Variants in SLC35F1 observed in about 807,000 individuals in gnomAD.
SLC35F1 encodes chromosome 6 open reading frame 169.
A neutral mutation model predicts 48.7 loss-of-function variants in SLC35F1; 14 were observed. The ratio of observed to expected loss-of-function variants is 0.29; its 90% CI spans 0.19 to 0.45. The LOEUF is 0.45. Ranked by LOEUF, SLC35F1 falls within the 20% of genes least tolerant of loss-of-function variation. SLC35F1 has a pLI of 1.00. For synonymous variants in SLC35F1, 190 were observed against 202.2 expected (o/e 0.94, Z 0.51); for missense variants, 404 against 500.0 (o/e 0.81, Z 1.83).
At chr6:117,920,023 T>C (rs1482745413) in intron 1 of SLC35F1, among the ~76,000 whole-genome samples, 2 of 152,216 alleles carry the variant, frequency 1.3e-5, no homozygotes, top group Admixed American at 6.5e-5. Context: ...GCCGCTTTAA[T>C]GTGCTAATGA....
chr6:117,978,587 C>T (rs1776733581), intron 1 of SLC35F1, among the ~76,000 whole-genome samples: 1 of 152,128 alleles, frequency 6.6e-6, no homozygotes, highest in African/African-American at 2.4e-5. Flanking sequence ...TGGCCCTTTC[C>T]TTTGACTCCT....
At chr6:117,968,523 A>G (rs1776599589) in intron 1 of SLC35F1, among the ~76,000 whole-genome samples, 1 of 152,196 alleles carries the variant, frequency 6.6e-6, no homozygotes, top group African/African-American at 2.4e-5. Flanking sequence ...AACTCTACCA[A>G]TATTTCGTTG....
Position 118,313,183 on chromosome 6 carries a change from G to A in SLC35F1, c.1003-845G>A, listed in dbSNP as rs13202518. Among the ~76,000 whole-genome samples, 513 of 152,278 alleles carry A rather than the reference G, an allele frequency of 3.4e-3. 2 individuals carry two copies. The highest frequency in any genetic ancestry group is 6.0e-3 in the South Asian group (29 of 4,816). On this transcript the variant is annotated intron_variant, in intron 7 of 7. Coordinates refer to ENST00000360388, the MANE Select transcript of SLC35F1 (RefSeq NM_001029858.4). ...TGAAGGAGTGAATGAAGGAATGAATGAACGAAACACCAGAAATGGCAATAC... is the reference window on the plus strand; with the variant it reads ...TGAAGGAGTGAATGAAGGAATGAATAAACGAAACACCAGAAATGGCAATAC...
At chr6:118,114,660 G>A (rs1484532225) in intron 1 of SLC35F1, among the ~76,000 whole-genome samples, 1 of 152,094 alleles carries the variant, frequency 6.6e-6, no homozygotes, top group Non-Finnish European at 1.5e-5. Context: ...ACAGGCGTGA[G>A]CTACCGCGCC....
At chr6:118,301,919 C>T (rs1208346983) in intron 7 of SLC35F1, among the ~76,000 whole-genome samples, 2 of 152,174 alleles carry the variant, frequency 1.3e-5, no homozygotes, top group African/African-American at 4.8e-5. Flanking sequence ...AGGAAACAAC[C>T]ATTTCCTCAA....
chr6:118,263,567 ATTTG>A (rs1483643950), intron 3 of SLC35F1, among the ~76,000 whole-genome samples: 31 of 152,134 alleles, frequency 2.0e-4, no homozygotes, highest in Non-Finnish European at 1.0e-4. Flanking sequence ...ATAAAATAAT[ATTTG>A]TTTATTTTTT....
Position 118,035,444 on chromosome 6 carries a change from T to TA in SLC35F1, c.174-118990dup, listed in dbSNP as rs374606375. ...TAACATGATGAAACCCCATTTCTACTAAAAAAAAAAACCCAAAAAATTAGC... is the reference window on the plus strand; with the variant it reads ...TAACATGATGAAACCCCATTTCTACTAAAAAAAAAAAACCCAAAAAATTAGC... On this transcript the variant is annotated intron_variant, in intron 1 of 7. Coordinates refer to ENST00000360388, the MANE Select transcript of SLC35F1 (RefSeq NM_001029858.4). Among the ~76,000 whole-genome samples the TA allele has an allele frequency of 5.8e-3, 842 of 145,430 alleles. 7 individuals are homozygous for TA. Among genetic ancestry groups the TA allele is most frequent in the African/African-American group, 0.015 (611 of 39,666 alleles).
At chr6:118,230,812 A>T (rs1775283161) in intron 2 of SLC35F1, among the ~76,000 whole-genome samples, 1 of 152,114 alleles carries the variant, frequency 6.6e-6, no homozygotes, top group African/African-American at 2.4e-5. Context: ...GCAAAACCCC[A>T]TCTCTACAAA....
At chr6:117,981,162 T>A (rs1274890327) in intron 1 of SLC35F1, among the ~76,000 whole-genome samples, 1 of 152,174 alleles carries the variant, frequency 6.6e-6, no homozygotes, top group African/African-American at 2.4e-5. Flanking sequence ...GTTGCACAGG[T>A]GTTTTGTATT....
intron 1 of SLC35F1, among the ~76,000 whole-genome samples, chr6:118,074,810 G>A (rs939514637): frequency 1.3e-5 from 2 of 152,106 alleles, no homozygotes; most frequent in Non-Finnish European, 2.9e-5. Flanking sequence ...ACTATACCCA[G>A]CTAATGTATT....
intron 1 of SLC35F1, among the ~76,000 whole-genome samples, chr6:118,018,395 AAG>A: frequency 1.3e-5 from 2 of 152,204 alleles, no homozygotes; most frequent in East Asian, 3.9e-4. Context: ...AAAAGAAAAA[AAG>A]GCATAATAAT....
intron 1 of SLC35F1, among the ~76,000 whole-genome samples, chr6:118,004,374 T>C (rs889481621): frequency 6.6e-6 from 1 of 152,202 alleles, no homozygotes; most frequent in African/African-American, 2.4e-5. Context: ...GTTTTAGTGA[T>C]GACTGAAAGT....
chr6:117,950,513 C>T (rs895759686), intron 1 of SLC35F1, among the ~76,000 whole-genome samples: 1 of 152,110 alleles, frequency 6.6e-6, no homozygotes, highest in Non-Finnish European at 1.5e-5. Flanking sequence ...GTACTCTGTA[C>T]CAGCTGCCAT....
intron 1 of SLC35F1, among the ~76,000 whole-genome samples, chr6:118,100,580 C>CT (rs1192509415): frequency 6.6e-6 from 1 of 152,190 alleles, no homozygotes; most frequent in African/African-American, 2.4e-5. Context: ...TTGGCAAAGT[C>CT]TAGGGGGGTT....
chr6:117,999,378 C>A, intron 1 of SLC35F1: 1 of 1,584,200 alleles, frequency 6.3e-7, no homozygotes, highest in Non-Finnish European at 8.6e-7. Flanking sequence ...AAGGCCCAGG[C>A]TGCAGCTCCA....
intron 1 of SLC35F1, among the ~76,000 whole-genome samples, chr6:118,126,932 G>A (rs1320489285): frequency 1.3e-5 from 2 of 152,128 alleles, no homozygotes; most frequent in African/African-American, 2.4e-5. Flanking sequence ...TGCAAACAGG[G>A]ACAATTTGAC....
At chr6:118,015,470 A>G (rs550402226) in intron 1 of SLC35F1, among the ~76,000 whole-genome samples, 1 of 151,390 alleles carries the variant, frequency 6.6e-6, no homozygotes, top group Admixed American at 6.6e-5. Context: ...AGTAGGCCCC[A>G]GTATCTGTTG....
intron 7 of SLC35F1, among the ~76,000 whole-genome samples, chr6:118,291,858 C>A (rs1472980117): frequency 6.6e-6 from 1 of 152,168 alleles, no homozygotes; most frequent in Non-Finnish European, 1.5e-5. Context: ...TGGCACACAC[C>A]TGAAATCCCA....
rs547233897 is a variant in SLC35F1 at position 118,069,174 on chromosome 6, G to C, written c.174-85271G>C. Among the ~76,000 whole-genome samples the C allele has an allele frequency of 1.6e-4, 25 of 152,250 alleles. No homozygotes were observed. In the South Asian group the frequency reaches 5.0e-3, roughly 30 times the overall value. On this transcript the variant is annotated intron_variant, in intron 1 of 7. Transcript: ENST00000360388. The stretch of plus-strand genomic sequence containing the variant: ...ATAACGTGTTCATTTAATGCTTGCA[G>C]ATATTAATTAACCACCTTATTTGTA...
Sources: gnomAD v4.1 joint callset for allele counts (sites outside exome capture counted in the v4.1 genomes callset) on GRCh38, gnomAD v4.1.1 for gene constraint, MANE v1.5 for transcripts, NCBI Gene and HGNC (gene_info 2026-07-23, HGNC 2026-07-21) for gene names.